The following SPATA22 variants were observed in gnomAD, a reference collection of about 807,000 sequenced individuals.
SPATA22 encodes spermatogenesis-associated protein 22.
Under a neutral mutation model 47.8 loss-of-function variants are expected in SPATA22, and 29 were observed. The observed-to-expected ratio is 0.61, with a 90% CI of 0.45 to 0.83. The LOEUF is 0.83. SPATA22 is among the 40% of genes least tolerant of loss of function. The pLI is 0.00. For synonymous variants in SPATA22, 133 were observed against 140.9 expected (o/e 0.94, Z 0.40); for missense variants, 410 against 421.7 (o/e 0.97, Z 0.24).
chr17:3,446,719 A>ACTGAAAATTTTT lies in SPATA22; in HGVS notation c.673-119_673-118insAAAAATTTTCAG, dbSNP rs909584074. ...AATGGACAAGTGTGTAAAAAGAACT[A>ACTGAAAATTTTT]CTGAAAATTTTAGTATAGTTACTTC... On this transcript the variant is annotated intron_variant, in intron 6 of 8. Transcript: ENST00000572969. 7.2e-6 allele frequency: 6 copies of ACTGAAAATTTTT among 837,800 alleles called. No homozygotes were observed. The African/African-American group carries it at 1.1e-4, about 15-fold the overall frequency. The allele number at this position is 837,800 out of a possible 1,614,324, so 51.9% of individuals were successfully genotyped here.
chr17:3,453,712 A>G (rs1313170222), intron 5 of SPATA22, among the ~76,000 whole-genome samples: 1 of 152,194 alleles, frequency 6.6e-6, no homozygotes, highest in Admixed American at 6.6e-5. Flanking sequence ...CATGATGCTC[A>G]ATGGAAATGC....
intron 8 of SPATA22, among the ~76,000 whole-genome samples, chr17:3,442,535 A>G (rs2150692240): frequency 6.6e-6 from 1 of 151,948 alleles, no homozygotes; most frequent in South Asian, 2.1e-4. Context: ...CCACACTTCT[A>G]TGTCACCAAG....
chr17:3,511,351 A>C (rs980859262), intron 1 of SPATA22: 1 of 152,228 alleles, frequency 6.6e-6, no homozygotes, highest in Non-Finnish European at 1.5e-5. Context: ...GCTTTTTAAA[A>C]ATAAATAAAT....
At chr17:3,449,897 G>C (rs2072817519) in intron 5 of SPATA22, among the ~76,000 whole-genome samples, 1 of 151,904 alleles carries the variant, frequency 6.6e-6, no homozygotes, top group Non-Finnish European at 1.5e-5. Flanking sequence ...CTGTTACCCA[G>C]GCTGGAATGT....
At chr17:3,478,171 C>A (rs148634426) in intron 1 of SPATA22, among the ~76,000 whole-genome samples, 1 of 151,124 alleles carries the variant, frequency 6.6e-6, no homozygotes, top group Admixed American at 6.6e-5. Flanking sequence ...GGTGACAGAG[C>A]GAGACTCCGT....
intron 1 of SPATA22, chr17:3,501,490 T>C (rs1173810006): frequency 6.5e-6 from 1 of 152,870 alleles, no homozygotes; most frequent in African/African-American, 2.4e-5. Context: ...CACACTTGAA[T>C]GGATGAGGAG....
At chr17:3,489,091 T>C (rs2073775771) in intron 1 of SPATA22, 1 of 588,058 alleles carries the variant, frequency 1.7e-6, no homozygotes, top group Admixed American at 3.2e-5. Context: ...ACATTATGTC[T>C]CAAATATTTT....
intron 3 of SPATA22, among the ~76,000 whole-genome samples, chr17:3,464,029 A>G (rs55767739): frequency 0.57 from 79,510 of 140,484 alleles, 24,448 homozygotes; most frequent in Non-Finnish European, 0.68. Flanking sequence ...CTCTCATGCC[A>G]AGCCGAAGCT....
At chr17:3,471,511 T>C in intron 1 of SPATA22, 171 bp downstream of exon 1, 2 of 979,380 alleles carry the variant, frequency 2.0e-6, no homozygotes, top group Non-Finnish European at 1.2e-6. Flanking sequence ...GTGTGCTCAA[T>C]CTGCACGCAC....
chr17:3,444,414 C>T (rs1180147289), intron 7 of SPATA22, among the ~76,000 whole-genome samples: 1 of 152,032 alleles, frequency 6.6e-6, no homozygotes, highest in Admixed American at 6.6e-5. Context: ...TGCAAAGACT[C>T]ATTTGTTAGT....
chr17:3,454,380 A>G (rs1325950628), intron 5 of SPATA22, among the ~76,000 whole-genome samples: 2 of 151,928 alleles, frequency 1.3e-5, no homozygotes, highest in Non-Finnish European at 2.9e-5. Flanking sequence ...TACATGTGCC[A>G]TGCTGGTGTG....
At position 3,440,059 on chromosome 17, in the gene SPATA22, C is replaced by A. The variant is rs985978598; in HGVS notation, c.*88G>T. 35 of 787,794 alleles carry A rather than the reference C, an allele frequency of 4.4e-5. No individual in the cohort carries two copies. The highest frequency in any genetic ancestry group is 5.3e-5 in the Non-Finnish European group (28 of 529,832). 48.8% of individuals were successfully genotyped at this position (787,794 alleles called of 1,614,324 possible). On this transcript the variant is annotated 3_prime_UTR_variant, in exon 9 of 9. Coordinates refer to ENST00000572969, the MANE Select transcript of SPATA22 (RefSeq NM_001170698.2). ...ATACTTTAATTCAACAAGTGAAATA[C>A]AATAGTAGCTATAAAACTATGGAGA... is the stretch of plus-strand genomic sequence containing the variant.
chr17:3,483,648 A>G, intron 1 of SPATA22: 1 of 1,466,550 alleles, frequency 6.8e-7, no homozygotes, highest in Non-Finnish European at 9.6e-7. Context: ...GCTGAAACTC[A>G]GAGAAATTTA....
At chr17:3,452,006 A>C (rs1201708286) in intron 5 of SPATA22, among the ~76,000 whole-genome samples, 2 of 151,728 alleles carry the variant, frequency 1.3e-5, no homozygotes, top group African/African-American at 4.8e-5. Flanking sequence ...AAATACAACA[A>C]CACCCTCTTG....
rs141733054 is a variant in SPATA22 at position 3,481,921 on chromosome 17, T to C, written c.-73-12523A>G. The C allele has an allele frequency of 9.4e-4, 871 of 929,146 alleles. 6 individuals carry two copies. The African/African-American group carries it at 0.013, about 13-fold the overall frequency. The allele number at this position is 929,146 out of a possible 1,614,324, so 57.6% of individuals were successfully genotyped here. On this transcript the variant is annotated intron_variant, in intron 1 of 8. Coordinates refer to the SPATA22 transcript ENST00000541913. ...TGCAAGAGAAATGGGGTTTATTCCA[T>C]AGCCAGGCTTGGTGGTTGGGGGGAA...
intron 5 of SPATA22, among the ~76,000 whole-genome samples, chr17:3,449,682 C>T (rs889237265): frequency 6.6e-6 from 1 of 152,114 alleles, no homozygotes; most frequent in Non-Finnish European, 1.5e-5. Flanking sequence ...TACTGCACAG[C>T]TTAAAAGCCC....
rs555311570 is a variant in SPATA22 at position 3,465,052 on chromosome 17, G to A, written c.173-2285C>T. Among the ~76,000 whole-genome samples, 19 of 127,686 alleles carry A rather than the reference G, an allele frequency of 1.5e-4. 1 individual carries two copies. The East Asian group carries it at 2.9e-3, about 19-fold the overall frequency. 83.8% of individuals were successfully genotyped at this position (127,686 alleles called of 152,430 possible). ...AGCCCCCAGCCCGGCCAGCCGCCCC[G>A]TCCGGGAGGGAGGTGGGGGGTCAGC... On this transcript the variant is annotated intron_variant, in intron 3 of 8. Transcript: ENST00000572969.
At position 3,447,151 on chromosome 17, in the gene SPATA22, GA is replaced by G. The variant is rs914187354; in HGVS notation, c.673-551del. Among the ~76,000 whole-genome samples, 16 of 151,370 alleles carry G rather than the reference GA, an allele frequency of 1.1e-4. No individual in the cohort carries two copies. In the East Asian group the frequency reaches 2.5e-3, roughly 24 times the overall value. On this transcript the variant is annotated intron_variant, in intron 6 of 8. Transcript: ENST00000572969. ...GTCAGGAAATGTACTTTTTTTTTAG[GA>G]AAAAAACACACAAGGTAAATGGAAA... is the stretch of plus-strand genomic sequence containing the variant.
chr17:3,472,008 A>G (rs2073449744), upstream of SPATA22: 2 of 305,516 alleles, frequency 6.5e-6, no homozygotes, highest in Non-Finnish European at 4.8e-6. Flanking sequence ...AGGAAAGGAG[A>G]CTGTCCTGTG....
Sources: allele counts gnomAD v4.1 joint callset (sites outside exome capture counted in the v4.1 genomes callset), GRCh38; gene constraint gnomAD v4.1.1; transcripts MANE v1.5; gene names NCBI Gene and HGNC (gene_info 2026-07-23, HGNC 2026-07-21).